Variants in ZNF385B observed in about 807,000 individuals in gnomAD.
The protein encoded by ZNF385B is zinc finger protein 533.
ZNF385B carries 23 observed loss-of-function variants against 39.2 expected under a neutral mutation model. The observed-to-expected ratio is 0.59, with a 90% CI of 0.42 to 0.83. The LOEUF is 0.83. ZNF385B is among the 40% of genes least tolerant of loss of function. The pLI, the probability that ZNF385B is intolerant of heterozygous loss-of-function variation, is 0.00. For missense variants in ZNF385B, 552 were observed against 598.9 expected (o/e 0.92, Z 0.82); for synonymous variants, 205 against 222.6 (o/e 0.92, Z 0.70).
At chr2:179,829,720 A>G (rs1382826019) in intron 1 of ZNF385B, among the ~76,000 whole-genome samples, 3 of 152,090 alleles carry the variant, frequency 2.0e-5, no homozygotes, top group Non-Finnish European at 2.9e-5. Context: ...TCACCGTGTT[A>G]GCCACGATGG....
chr2:179,496,127 A>G (rs2056176311), intron 5 of ZNF385B, among the ~76,000 whole-genome samples: 1 of 152,180 alleles, frequency 6.6e-6, no homozygotes, highest in Non-Finnish European at 1.5e-5. Flanking sequence ...AAATTTAACA[A>G]AGAGACTGAA....
At chr2:179,529,670 AATG>A (rs1201082753) in intron 4 of ZNF385B, among the ~76,000 whole-genome samples, 2 of 151,774 alleles carry the variant, frequency 1.3e-5, no homozygotes, top group Non-Finnish European at 2.9e-5. Flanking sequence ...GAAGAACTAA[AATG>A]ATGATAAGTG....
At chr2:179,809,064 T>C (rs897291999) in intron 1 of ZNF385B, among the ~76,000 whole-genome samples, 3 of 152,230 alleles carry the variant, frequency 2.0e-5, no homozygotes, top group Admixed American at 6.5e-5. Context: ...ATCAGGTTGA[T>C]AGCTGTCAAG....
intron 3 of ZNF385B, among the ~76,000 whole-genome samples, chr2:179,579,896 A>G (rs984117018): frequency 6.6e-6 from 1 of 152,192 alleles, no homozygotes; most frequent in Non-Finnish European, 1.5e-5. Context: ...GAGAAATTTT[A>G]GTGAGTTAAG....
At chr2:179,768,176 C>T (rs1452546369) in intron 3 of ZNF385B, among the ~76,000 whole-genome samples, 4 of 151,686 alleles carry the variant, frequency 2.6e-5, no homozygotes, top group Non-Finnish European at 5.9e-5. Context: ...TCTTGAACTC[C>T]TGACCTCAAG....
intron 3 of ZNF385B, among the ~76,000 whole-genome samples, chr2:179,736,101 A>G (rs970277480): frequency 2.6e-5 from 4 of 152,022 alleles, no homozygotes; most frequent in African/African-American, 9.7e-5. Flanking sequence ...AATGTGAAAA[A>G]GAAAAATAAA....
chr2:179,456,522 C>T (rs2050725905), intron 6 of ZNF385B, among the ~76,000 whole-genome samples: 1 of 152,030 alleles, frequency 6.6e-6, no homozygotes, highest in Non-Finnish European at 1.5e-5. Context: ...TGAAAGGAAA[C>T]AAAAATCTTA....
At chr2:179,455,320 A>G (rs2050565185) in intron 6 of ZNF385B, among the ~76,000 whole-genome samples, 1 of 151,888 alleles carries the variant, frequency 6.6e-6, no homozygotes, top group African/African-American at 2.4e-5. Flanking sequence ...TATAGTTCCC[A>G]TAATCTCTGT....
chr2:179,651,929 A>G (rs1401006519), intron 3 of ZNF385B, among the ~76,000 whole-genome samples: 1 of 152,204 alleles, frequency 6.6e-6, no homozygotes, highest in Non-Finnish European at 1.5e-5. Flanking sequence ...TTCTCCAGAA[A>G]ACAACGGAAC....
At chr2:179,585,325 A>G (rs1462389253) in intron 3 of ZNF385B, among the ~76,000 whole-genome samples, 1 of 152,304 alleles carries the variant, frequency 6.6e-6, no homozygotes, top group East Asian at 1.9e-4. Flanking sequence ...GGGTATTTAT[A>G]TTGACCTACC....
At chr2:179,591,572 CA>C (rs989871034) in intron 3 of ZNF385B, among the ~76,000 whole-genome samples, 4 of 152,144 alleles carry the variant, frequency 2.6e-5, no homozygotes, top group African/African-American at 9.7e-5. Context: ...CTTTTCTAAA[CA>C]GGGCTAATTT....
chr2:179,749,176 T>C (rs937388814), intron 3 of ZNF385B, among the ~76,000 whole-genome samples: 21 of 151,872 alleles, frequency 1.4e-4, no homozygotes, highest in African/African-American at 5.1e-4. Flanking sequence ...AGGGCTATGA[T>C]TTAAAAAAAA....
chr2:179,545,948 G>A (rs2060204780), intron 3 of ZNF385B, among the ~76,000 whole-genome samples: 1 of 152,066 alleles, frequency 6.6e-6, no homozygotes, highest in Non-Finnish European at 1.5e-5. Context: ...GTAAGTTATT[G>A]TTGACTATAG....
chr2:179,493,638 T>C lies in ZNF385B; in HGVS notation c.553-10204A>G, dbSNP rs575313671. Among the ~76,000 whole-genome samples the C allele has an allele frequency of 1.1e-3, 130 of 117,174 alleles. 2 individuals are homozygous for C. The highest frequency in any genetic ancestry group is 3.5e-3 in the African/African-American group (112 of 31,798). The allele number at this position is 117,174 out of a possible 152,430, so 76.9% of individuals were successfully genotyped here. A position where few individuals can be genotyped will look rare whatever the true frequency, so the allele number is the denominator to read the frequency against. ...GTACATATATGTATACGCATATGTA[T>C]ACACATATGCGTATACATATATGTA... On this transcript the variant is annotated intron_variant, in intron 5 of 9. Coordinates refer to ENST00000410066, the MANE Select transcript of ZNF385B (RefSeq NM_152520.6).
intron 3 of ZNF385B, among the ~76,000 whole-genome samples, chr2:179,694,021 A>G (rs1462733364): frequency 6.6e-6 from 1 of 152,206 alleles, no homozygotes. Flanking sequence ...ATACTAATAC[A>G]ATGATTAATA....
At chr2:179,621,614 C>T (rs540753673) in intron 3 of ZNF385B, among the ~76,000 whole-genome samples, 1 of 152,260 alleles carries the variant, frequency 6.6e-6, no homozygotes, top group Admixed American at 6.5e-5. Flanking sequence ...TTCATCACAC[C>T]CCTGTAAGTT....
At chr2:179,694,959 G>A (rs930071861) in intron 3 of ZNF385B, among the ~76,000 whole-genome samples, 3 of 30,818 alleles carry the variant, frequency 9.7e-5, no homozygotes, top group South Asian at 1.6e-3. Flanking sequence ...AGAAAGAAGA[G>A]GAGGAGGAGG....
rs570281780 is a variant in ZNF385B at position 179,792,537 on chromosome 2, CT to C, written c.-154-21866del. 7.2e-3 allele frequency among the ~76,000 whole-genome samples: 1,092 copies of C among 151,616 alleles called. 6 individuals are homozygous for C. Among genetic ancestry groups the C allele is most frequent in the Non-Finnish European group, 0.011 (763 of 67,844 alleles). ...TTACAGGTGTACCCACCATGCCTGG[CT>C]AATTTTTTGTATTTTTAGTAGAGAC... On this transcript the variant is annotated intron_variant, in intron 1 of 9. Coordinates refer to ENST00000410066, the MANE Select transcript of ZNF385B (RefSeq NM_152520.6).
At chr2:179,844,921 T>C (rs554455588) in intron 1 of ZNF385B, among the ~76,000 whole-genome samples, 195 of 152,294 alleles carry the variant, frequency 1.3e-3, no homozygotes, top group Non-Finnish European at 2.0e-3. Flanking sequence ...AAGAACCATG[T>C]CCAGGACTTA....
Sources: allele counts gnomAD v4.1 joint callset (sites outside exome capture counted in the v4.1 genomes callset), GRCh38; gene constraint gnomAD v4.1.1; transcripts MANE v1.5; gene names NCBI Gene and HGNC (gene_info 2026-07-23, HGNC 2026-07-21).